ALPK3: variants seen among roughly 807,000 people sequenced by gnomAD.
The protein encoded by ALPK3 is alpha-protein kinase 3.
A neutral mutation model predicts 140.0 loss-of-function variants in ALPK3; 102 were observed. The ratio of observed to expected loss-of-function variants is 0.73; its 90% CI spans 0.62 to 0.86. The LOEUF is 0.86. Ranked by LOEUF, ALPK3 falls within the 40% of genes least tolerant of loss-of-function variation. The probability of loss-of-function intolerance (pLI) is 0.00; values close to 1 mark genes in which losing one functional copy is unlikely to be tolerated. For missense variants in ALPK3, 2,254 were observed against 2,208.2 expected, an observed-to-expected ratio of 1.02 and a Z score of -0.42; for synonymous variants, 938 against 898.5, an observed-to-expected ratio of 1.04 and a Z score of -0.79.
chr15:84,842,003 G>A lies in ALPK3; in HGVS notation c.1653+1071G>A, dbSNP rs1490811154. ...ATTTATTTGAAGTCCCAATTTAACT[G>A]GGTGTCGGTATTTCTTTCTTTCTTT... On this transcript the variant is annotated intron_variant, in intron 5 of 13. Transcript: ENST00000258888. Among the ~76,000 whole-genome samples the A allele has an allele frequency of 2.0e-5, 3 of 152,152 alleles. No individual in the cohort carries two copies. In the East Asian group the frequency reaches 5.8e-4, roughly 29 times the overall value.
At chr15:84,855,959 C>T (rs1198773705) in intron 5 of ALPK3, among the ~76,000 whole-genome samples, 1 of 152,182 alleles carries the variant, frequency 6.6e-6, no homozygotes, top group African/African-American at 2.4e-5. Context: ...CCCTTTGGCA[C>T]TCTCTCACTT....
rs1672723514 is a variant in ALPK3 at position 84,868,884 on chromosome 15, C to T, written c.*428C>T. ...CCAACTTTTACCCTCCTGCATTTGC[C>T]TGGCCCTGATCTCGCCTGTCCTCAG... On this transcript the variant is annotated 3_prime_UTR_variant, in exon 14 of 14. Transcript: ENST00000258888. The T allele has an allele frequency of 5.3e-6, 1 of 189,920 alleles. No individual in the cohort carries two copies. The highest frequency in any genetic ancestry group is 5.3e-5 in the Admixed American group (1 of 18,822). 11.8% of individuals were successfully genotyped at this position (189,920 alleles called of 1,614,324 possible).
chr15:84,858,303 C>A lies in ALPK3; in HGVS notation c.3565C>A (p.Pro1189Thr), dbSNP rs1349556921. The change falls in exon 6 of 14, where the codon CCC becomes ACC. Residue 1189 changes from proline (P) to threonine (T), a missense_variant. By Grantham distance (38) the Pro-to-Thr change is conservative. Coordinates refer to ENST00000258888, the MANE Select transcript of ALPK3 (RefSeq NM_020778.5). The stretch of plus-strand genomic sequence containing the variant: ...AACCACACCTGAAGAAAGGGAGAGC[C>A]CCACGGTTTCCCCCCGGGGGCCCAG... ...EATTPEERES[P>T]TVSPRGPRKS... 6.4e-7 allele frequency: 1 copy of A among 1,571,718 alleles called. No homozygotes were observed. The highest frequency in any genetic ancestry group is 1.2e-5 in the South Asian group (1 of 86,024).
At chr15:84,847,225 G>GAGAGAGAGAGAGAGAC (rs1567091402) in intron 5 of ALPK3, among the ~76,000 whole-genome samples, 1 of 150,736 alleles carries the variant, frequency 6.6e-6, no homozygotes, top group Non-Finnish European at 1.5e-5. Flanking sequence ...GAGAGAGAGA[G>GAGAGAGAGAGAGAGAC]AGAGAGAGAG....
chr15:84,853,379 G>A (rs1963827539), intron 5 of ALPK3, among the ~76,000 whole-genome samples: 1 of 152,284 alleles, frequency 6.6e-6, no homozygotes, highest in East Asian at 1.9e-4. Context: ...TCTGGAGGCC[G>A]AGGTGGGTAG....
At chr15:84,867,997 A>C in intron 13 of ALPK3, 114 bp from the exon 14 acceptor site, 1 of 1,053,312 alleles carries the variant, frequency 9.5e-7, no homozygotes, top group Non-Finnish European at 1.4e-6. Flanking sequence ...CCCTCAGATA[A>C]GGTAGGATGT....
intron 1 of ALPK3, among the ~76,000 whole-genome samples, chr15:84,820,386 G>T (rs1963408260): frequency 6.6e-6 from 1 of 152,186 alleles, no homozygotes; most frequent in African/African-American, 2.4e-5. Context: ...TTATGTCCCA[G>T]ACTAGATGAA....
chr15:84,862,024 C>T (rs1253147750), intron 9 of ALPK3, among the ~76,000 whole-genome samples: 1 of 151,778 alleles, frequency 6.6e-6, no homozygotes, highest in Non-Finnish European at 1.5e-5. Flanking sequence ...CTTTTGCTAG[C>T]TCTCTTGCTT....
chr15:84,818,561 A>G (rs573361539), intron 1 of ALPK3, among the ~76,000 whole-genome samples: 25 of 152,332 alleles, frequency 1.6e-4, no homozygotes, highest in Admixed American at 1.5e-3. Flanking sequence ...GAAAACGGCC[A>G]TTCCTCCAAG....
chr15:84,826,581 T>C (rs1479062806), intron 2 of ALPK3, among the ~76,000 whole-genome samples: 1 of 152,144 alleles, frequency 6.6e-6, no homozygotes, highest in Non-Finnish European at 1.5e-5. Flanking sequence ...GGTAGTTTGC[T>C]TCCTGGGCCC....
intron 3 of ALPK3, among the ~76,000 whole-genome samples, chr15:84,831,170 C>A (rs1963542022): frequency 6.6e-6 from 1 of 152,102 alleles, no homozygotes; most frequent in Non-Finnish European, 1.5e-5. Context: ...ATCCTAATTC[C>A]TTGCATGTGA....
intron 3 of ALPK3, 21 bp from the exon 4 acceptor site, chr15:84,838,959 A>T: frequency 6.2e-7 from 1 of 1,605,500 alleles, no homozygotes; most frequent in Non-Finnish European, 8.5e-7. Flanking sequence ...GCTGTAACCC[A>T]GTCTCCTGCT....
At chr15:84,826,650 T>C (rs1319623696) in intron 2 of ALPK3, among the ~76,000 whole-genome samples, 1 of 152,122 alleles carries the variant, frequency 6.6e-6, no homozygotes, top group Admixed American at 6.5e-5. Flanking sequence ...GACTCAGTGC[T>C]TACTGATGCC....
intron 6 of ALPK3, 44 bp downstream of exon 6, chr15:84,858,599 C>A: frequency 6.6e-7 from 1 of 1,521,220 alleles, no homozygotes; most frequent in South Asian, 1.3e-5. Context: ...AGGACAGGGC[C>A]ACAGAAAGCA....
chr15:84,849,238 A>G (rs1371532320), intron 5 of ALPK3, among the ~76,000 whole-genome samples: 2 of 152,216 alleles, frequency 1.3e-5, no homozygotes, highest in Non-Finnish European at 2.9e-5. Context: ...GTATGCACCT[A>G]ACAACATACC....
intron 5 of ALPK3, among the ~76,000 whole-genome samples, chr15:84,850,889 C>CACACAG (rs1963795569): frequency 2.0e-5 from 3 of 151,150 alleles, no homozygotes; most frequent in African/African-American, 7.4e-5. Context: ...TACACACACA[C>CACACAG]ACACACACAC....
chr15:84,817,452 C>G lies in ALPK3; in HGVS notation c.-1C>G. 1 of 1,329,782 alleles carries G rather than the reference C, an allele frequency of 7.5e-7. No individual in the cohort carries two copies. The highest frequency in any genetic ancestry group is 9.5e-7 in the Non-Finnish European group (1 of 1,047,226). 82.4% of individuals were successfully genotyped at this position (1,329,782 alleles called of 1,614,324 possible). A position where few individuals can be genotyped will look rare whatever the true frequency, so the allele number is the denominator to read the frequency against. On this transcript the variant is annotated 5_prime_UTR_variant, in exon 1 of 14. Transcript: ENST00000258888. ...GGCCGGCGGTCGGGGAGGGCGGTGC[C>G]ATGGGGTCGCGGAGGGCCCCCAGCC...
In ALPK3 at chr15:84,858,384, A is replaced by G; in HGVS notation, c.3646A>G (p.Thr1216Ala). ...TCCAGGGCGGGAGAGACGCTCCCCT[A>G]CGCAGGGCAGAAAGGCGAGCATGCT... The part of the protein sequence containing the change: ...GTPGRERRSP[T>A]QGRKASMLEV... Residue 1216 changes from threonine to alanine, a missense_variant, in exon 6 of 14, where the codon ACG (threonine) becomes GCG (alanine). By Grantham distance (58) the Thr-to-Ala change is moderately conservative. This residue lies in a region of ALPK3 where 2,088 missense variants were observed against 2,022.9 expected (regional missense o/e 1.03). Coordinates refer to ENST00000258888, the MANE Select transcript of ALPK3 (RefSeq NM_020778.5). The G allele has an allele frequency of 6.4e-7, 1 of 1,554,444 alleles. No homozygotes were observed. Among genetic ancestry groups the G allele is most frequent in the Non-Finnish European group, 8.7e-7 (1 of 1,150,760 alleles).
chr15:84,835,285 C>T (rs1171801494), intron 3 of ALPK3, among the ~76,000 whole-genome samples: 2 of 152,170 alleles, frequency 1.3e-5, no homozygotes, highest in Non-Finnish European at 1.5e-5. Flanking sequence ...ACATGGGGCT[C>T]GCTTTACAGC....
Sources: allele counts gnomAD v4.1 joint callset (sites outside exome capture counted in the v4.1 genomes callset), GRCh38; gene constraint gnomAD v4.1.1; regional missense constraint gnomAD v4.1.1; transcripts MANE v1.5; gene names NCBI Gene and HGNC (gene_info 2026-07-23, HGNC 2026-07-21).